The following ZFAND6 variants were observed in gnomAD, a reference collection of about 807,000 sequenced individuals.
The protein encoded by ZFAND6 is AN1-type zinc finger protein 6.
Under a neutral mutation model 24.5 loss-of-function variants are expected in ZFAND6, and 12 were observed. The observed-to-expected ratio is 0.49, with a 90% CI of 0.31 to 0.79. ZFAND6 has a LOEUF of 0.79. Among genes scored for constraint, ZFAND6 ranks in the 30% least tolerant of loss-of-function variants. The pLI, the probability that ZFAND6 is intolerant of heterozygous loss-of-function variation, is 0.04. For missense variants in ZFAND6, 207 were observed against 245.9 expected (o/e 0.84, Z 1.06); for synonymous variants, 92 against 81.5 (o/e 1.13, Z -0.69).
At chr15:80,127,655 A>G (rs1374516443) in intron 5 of ZFAND6, among the ~76,000 whole-genome samples, 2 of 151,448 alleles carry the variant, frequency 1.3e-5, no homozygotes, top group Non-Finnish European at 2.9e-5. Context: ...AATGGAAGTC[A>G]TGGGACACCA....
chr15:80,133,865 T>C (rs1379622963), intron 6 of ZFAND6, among the ~76,000 whole-genome samples: 3 of 152,196 alleles, frequency 2.0e-5, no homozygotes, highest in Non-Finnish European at 2.9e-5. Flanking sequence ...TGCCAGTCTT[T>C]TGGTTGTACA....
intron 1 of ZFAND6, among the ~76,000 whole-genome samples, chr15:80,070,537 T>C (rs1310458770): frequency 6.6e-6 from 1 of 152,242 alleles, no homozygotes; most frequent in Non-Finnish European, 1.5e-5. Flanking sequence ...GTTTGCTACC[T>C]AAAATGGTAA....
At chr15:80,119,863 A>C (rs2142011163) in intron 2 of ZFAND6, among the ~76,000 whole-genome samples, 1 of 152,342 alleles carries the variant, frequency 6.6e-6, no homozygotes, top group East Asian at 1.9e-4. Flanking sequence ...ACCAGAAATG[A>C]TACTATGTGA....
At chr15:80,095,948 G>A (rs941397347) in intron 1 of ZFAND6, among the ~76,000 whole-genome samples, 2 of 152,034 alleles carry the variant, frequency 1.3e-5, no homozygotes, top group African/African-American at 4.8e-5. Flanking sequence ...CTTAACATAT[G>A]GTATCCAAAT....
At chr15:80,065,536 G>GTTTTT (rs1341209807) in intron 1 of ZFAND6, among the ~76,000 whole-genome samples, 3 of 84,978 alleles carry the variant, frequency 3.5e-5, no homozygotes, top group African/African-American at 1.3e-4. Context: ...TTTTGGTTTT[G>GTTTTT]ATTTTTTTTT....
intron 1 of ZFAND6, among the ~76,000 whole-genome samples, chr15:80,086,297 C>T (rs2038002148): frequency 6.6e-6 from 1 of 152,204 alleles, no homozygotes; most frequent in Admixed American, 6.5e-5. Flanking sequence ...CTCAGCCTCC[C>T]AAAGTACTGG....
At chr15:80,133,274 C>A (rs977356958) in intron 6 of ZFAND6, among the ~76,000 whole-genome samples, 3 of 150,666 alleles carry the variant, frequency 2.0e-5, no homozygotes, top group Non-Finnish European at 4.4e-5. Context: ...CTCACTGTAA[C>A]CTCCGCCTCC....
chr15:80,103,001 C>G (rs1325979301), intron 2 of ZFAND6, among the ~76,000 whole-genome samples: 1 of 152,176 alleles, frequency 6.6e-6, no homozygotes, highest in Non-Finnish European at 1.5e-5. Context: ...CTGTCTCCTC[C>G]CCACCTCCAT....
intron 2 of ZFAND6, among the ~76,000 whole-genome samples, chr15:80,106,267 A>T (rs940845666): frequency 6.6e-6 from 1 of 152,198 alleles, no homozygotes; most frequent in Admixed American, 6.5e-5. Flanking sequence ...CATGTATTTG[A>T]GTACCTCCTA....
At chr15:80,063,123 T>C (rs2141772581) in intron 1 of ZFAND6, among the ~76,000 whole-genome samples, 1 of 152,308 alleles carries the variant, frequency 6.6e-6, no homozygotes. Context: ...CTGTGGCTTA[T>C]ATACCTCAGA....
chr15:80,133,215 T>TG (rs1367232341), intron 6 of ZFAND6, among the ~76,000 whole-genome samples: 7 of 136,384 alleles, frequency 5.1e-5, no homozygotes, highest in African/African-American at 1.9e-4. Context: ...TTTTTTGAAA[T>TG]GGAGTCTTGC....
intron 1 of ZFAND6, among the ~76,000 whole-genome samples, chr15:80,080,299 C>A (rs986605270): frequency 6.6e-6 from 1 of 152,182 alleles, no homozygotes; most frequent in East Asian, 1.9e-4. Flanking sequence ...ACCCGGCCTA[C>A]ACAACCAGTT....
chr15:80,135,043 C>T (rs1457664678), intron 6 of ZFAND6, among the ~76,000 whole-genome samples: 1 of 152,168 alleles, frequency 6.6e-6, no homozygotes, highest in African/African-American at 2.4e-5. Flanking sequence ...CCTGCCTCTC[C>T]AGCCTCCCCT....
chr15:80,072,487 A>G (rs1190795257), intron 1 of ZFAND6: 1 of 152,062 alleles, frequency 6.6e-6, no homozygotes, highest in Non-Finnish European at 1.5e-5. Context: ...GCCGTATCCA[A>G]TCACAATTAT....
At chr15:80,093,867 G>T (rs922000286) in intron 1 of ZFAND6, among the ~76,000 whole-genome samples, 2 of 152,002 alleles carry the variant, frequency 1.3e-5, no homozygotes, top group African/African-American at 4.8e-5. Context: ...GTGTAGTTTC[G>T]GGAAGGGTGC....
intron 1 of ZFAND6, among the ~76,000 whole-genome samples, chr15:80,071,237 T>G (rs2036961154): frequency 6.6e-6 from 1 of 152,244 alleles, no homozygotes; most frequent in Non-Finnish European, 1.5e-5. Context: ...GGAAAAATAG[T>G]TGCAAGATTT....
intron 1 of ZFAND6, among the ~76,000 whole-genome samples, chr15:80,076,369 C>T (rs2037276978): frequency 6.6e-6 from 1 of 150,902 alleles, no homozygotes; most frequent in Non-Finnish European, 1.5e-5. Flanking sequence ...TTCAGTGTCT[C>T]TAGAATCAAT....
At chr15:80,073,258 T>C in intron 1 of ZFAND6, 1 of 288,882 alleles carries the variant, frequency 3.5e-6, no homozygotes, top group Non-Finnish European at 7.0e-6. Context: ...TCTTCATTTC[T>C]TTCAAAGGTG....
intron 3 of ZFAND6, chr15:80,120,718 T>C (rs1225258674): frequency 1.0e-5 from 3 of 296,402 alleles, no homozygotes; most frequent in African/African-American, 2.2e-5. Flanking sequence ...CATAATCTTA[T>C]TTCTGTGGCT....
Sources: gnomAD v4.1 joint callset for allele counts (sites outside exome capture counted in the v4.1 genomes callset) on GRCh38, gnomAD v4.1.1 for gene constraint, MANE v1.5 for transcripts, NCBI Gene and HGNC (gene_info 2026-07-23, HGNC 2026-07-21) for gene names.